TENM2: variants seen among roughly 807,000 people sequenced by gnomAD.
TENM2 encodes teneurin-2.
In TENM2, 52 loss-of-function variants were observed where a neutral mutation model predicts 245.2. That is an observed-to-expected ratio of 0.21 (90% CI 0.17 to 0.27). The LOEUF is 0.27. Ranked by LOEUF, TENM2 falls within the 10% of genes least tolerant of loss-of-function variation. TENM2 has a pLI of 1.00. For synonymous variants in TENM2, 1,363 were observed against 1,438.9 expected (o/e 0.95, Z 1.19); for missense variants, 3,046 against 3,666.8 (o/e 0.83, Z 4.37).
intron 13 of TENM2, among the ~76,000 whole-genome samples, chr5:168,185,952 A>ATG: frequency 2.3e-4 from 1 of 4,354 alleles, no homozygotes; most frequent in South Asian, 3.5e-3. Context: ...ATATATATAT[A>ATG]TATATATATA....
chr5:167,082,257 A>AT, the TENM2 span, among the ~76,000 whole-genome samples: 32 of 151,980 alleles, frequency 2.1e-4, no homozygotes, highest in African/African-American at 7.7e-4. Flanking sequence ...GAATAGGGAG[A>AT]TTTTTTTATT....
At chr5:167,423,424 T>C (rs956422267) in intron 2 of TENM2, among the ~76,000 whole-genome samples, 2 of 152,198 alleles carry the variant, frequency 1.3e-5, no homozygotes, top group Non-Finnish European at 2.9e-5. Context: ...GGCTAGATAT[T>C]CTGTCCACTG....
the TENM2 span, among the ~76,000 whole-genome samples, chr5:167,087,418 G>C: frequency 6.6e-6 from 1 of 152,004 alleles, no homozygotes; most frequent in Admixed American, 6.6e-5. Flanking sequence ...CAGTCTTTCT[G>C]GTTACTCTTA....
chr5:167,457,774 A>G (rs986951675), intron 2 of TENM2, among the ~76,000 whole-genome samples: 1 of 152,300 alleles, frequency 6.6e-6, no homozygotes, highest in Non-Finnish European at 1.5e-5. Context: ...CACCAAAACA[A>G]TGACAACATT....
the TENM2 span, among the ~76,000 whole-genome samples, chr5:166,992,353 C>T: frequency 6.6e-6 from 1 of 152,148 alleles, no homozygotes. Flanking sequence ...TTGTTGTTGT[C>T]AGACTTATGT....
intron 3 of TENM2, among the ~76,000 whole-genome samples, chr5:167,929,037 GA>G (rs1561945142): frequency 8.1e-6 from 1 of 123,244 alleles, no homozygotes; most frequent in Non-Finnish European, 1.7e-5. Context: ...AAGAAAGAAA[GA>G]AAAGAAAAAA....
At chr5:167,187,921 A>G in the TENM2 span, among the ~76,000 whole-genome samples, 3 of 152,070 alleles carry the variant, frequency 2.0e-5, no homozygotes, top group African/African-American at 7.2e-5. Flanking sequence ...AGGCTATTTC[A>G]CATTTCTCCC....
the TENM2 span, among the ~76,000 whole-genome samples, chr5:167,017,895 C>T: frequency 5.1e-4 from 78 of 151,926 alleles, no homozygotes; most frequent in Middle Eastern, 6.9e-3. Flanking sequence ...CTGACTTGTT[C>T]GGAGATGACA....
chr5:168,200,276 T>A, intron 17 of TENM2, 145 bp downstream of exon 19: 1 of 737,082 alleles, frequency 1.4e-6, no homozygotes, highest in Non-Finnish European at 2.2e-6. Context: ...AGATTCCTCT[T>A]CCACGGGGTT....
At chr5:168,122,674 A>T (rs182500209) in intron 10 of TENM2, among the ~76,000 whole-genome samples, 6 of 152,264 alleles carry the variant, frequency 3.9e-5, no homozygotes, top group Admixed American at 1.3e-4. Flanking sequence ...TCCAACTAAT[A>T]ATAAGCAACC....
chr5:167,925,427 T>C (rs562756379), intron 3 of TENM2, among the ~76,000 whole-genome samples: 1 of 152,300 alleles, frequency 6.6e-6, no homozygotes, highest in South Asian at 2.1e-4. Flanking sequence ...ATATTCTCTA[T>C]CCTGAGAAAG....
At chr5:167,474,604 C>A (rs969912104) in intron 2 of TENM2, among the ~76,000 whole-genome samples, 6 of 151,912 alleles carry the variant, frequency 3.9e-5, no homozygotes, top group African/African-American at 1.5e-4. Context: ...ACCTCTGCCT[C>A]ATGGGTTCAG....
At position 168,200,140 on chromosome 5, in the gene TENM2, T is replaced by A; in HGVS notation, c.3430+9T>A. ...ACTCTCAGATGCTGTTGGTATGTTT[T>A]GGTTTCAACCACTTATTGATCAATG... On this transcript the variant is annotated intron_variant, in intron 17 of 28. Coordinates refer to ENST00000518659, the Ensembl canonical transcript of TENM2. 2 of 1,609,306 alleles carry A rather than the reference T, an allele frequency of 1.2e-6. No homozygotes were observed. Among genetic ancestry groups the A allele is most frequent in the South Asian group, 2.2e-5 (2 of 90,404 alleles).
chr5:168,188,394 A>G (rs1760662467), intron 13 of TENM2, among the ~76,000 whole-genome samples: 1 of 152,206 alleles, frequency 6.6e-6, no homozygotes, highest in Non-Finnish European at 1.5e-5. Context: ...TCCACTGTGT[A>G]TTCAATCCGC....
At chr5:168,024,722 A>G (rs2151925211) in intron 5 of TENM2, among the ~76,000 whole-genome samples, 1 of 152,318 alleles carries the variant, frequency 6.6e-6, no homozygotes, top group East Asian at 1.9e-4. Context: ...CTCTCAAGCC[A>G]TAACATTGTT....
intron 2 of TENM2, among the ~76,000 whole-genome samples, chr5:167,426,539 G>T (rs1167409161): frequency 1.0e-5 from 1 of 98,200 alleles, no homozygotes. Context: ...GTGACACCTT[G>T]CCTTTACAAA....
the TENM2 span, among the ~76,000 whole-genome samples, chr5:167,139,685 T>C: frequency 6.6e-6 from 1 of 152,254 alleles, no homozygotes; most frequent in Non-Finnish European, 1.5e-5. Flanking sequence ...TACAATGCTC[T>C]ATGCAATTCA....
intron 2 of TENM2, among the ~76,000 whole-genome samples, chr5:167,449,283 A>G (rs1454297440): frequency 6.6e-6 from 1 of 152,202 alleles, no homozygotes; most frequent in Non-Finnish European, 1.5e-5. Context: ...ATCTTACCTG[A>G]CAGCCTGGTC....
rs71591185 is a variant in TENM2, at chr5:167,457,282, T to TTTTTATTTTATTTTATTTTA, written c.502+81859_502+81878dup. Among the ~76,000 whole-genome samples the TTTTTATTTTATTTTATTTTA allele has an allele frequency of 1.3e-4, 17 of 130,004 alleles. 1 individual carries two copies. Among genetic ancestry groups the TTTTTATTTTATTTTATTTTA allele is most frequent in the South Asian group, 5.2e-4 (2 of 3,824 alleles). The allele number at this position is 130,004 out of a possible 152,430, so 85.3% of individuals were successfully genotyped here. Reference sequence around the variant, plus strand: ...AGATAATTTAAGTTCACTGACCTGCTTTTTATTTTATTTTATTTTATTTTA... The same window carrying TTTTTATTTTATTTTATTTTA: ...AGATAATTTAAGTTCACTGACCTGCTTTTTATTTTATTTTATTTTATTTTATTTTATTTTATTTTATTTTA... On this transcript the variant is annotated intron_variant, in intron 2 of 28. Transcript: ENST00000518659.
Sources: allele counts gnomAD v4.1 joint callset (sites outside exome capture counted in the v4.1 genomes callset), GRCh38; gene constraint gnomAD v4.1.1; transcripts MANE v1.5; gene names NCBI Gene and HGNC (gene_info 2026-07-23, HGNC 2026-07-21).